The following MUC5AC variants were observed in gnomAD, a reference collection of about 807,000 sequenced individuals.
MUC5AC encodes the protein mucin-5AC.
A neutral mutation model predicts 169.7 loss-of-function variants in MUC5AC; 158 were observed. The ratio of observed to expected loss-of-function variants is 0.93; its 90% CI spans 0.82 to 1.06. The LOEUF (loss-of-function observed/expected upper bound fraction) is 1.06, where lower values mean the gene tolerates loss of function less well. MUC5AC is among the 50% of genes least tolerant of loss of function. MUC5AC has a pLI of 0.00. For missense variants in MUC5AC, 4,359 were observed against 3,089.9 expected (o/e 1.41, Z -9.74); for synonymous variants, 1,975 against 1,237.0 (o/e 1.60, Z -12.52).
intron 6 of MUC5AC, 42 bp downstream of exon 6, chr11:1,163,087 CT>C: frequency 1.3e-6 from 2 of 1,571,266 alleles, no homozygotes; most frequent in South Asian, 2.2e-5. Context: ...TCAGTGTCCC[CT>C]GGGGGCTCAG....
At chr11:1,170,366 C>T (rs1183513083) in intron 15 of MUC5AC, among the ~76,000 whole-genome samples, 1 of 143,942 alleles carries the variant, frequency 6.9e-6, no homozygotes, top group Non-Finnish European at 1.5e-5. Context: ...TCACTCACCT[C>T]ACTCACGCGC....
In MUC5AC at chr11:1,185,623, G is replaced by T; in HGVS notation, c.7478G>T (p.Arg2493Ile). Reference protein sequence around the residue: ...STTSGPETTPRPVPTTSTTSS... With the variant: ...STTSGPETTPIPVPTTSTTSS... Reference sequence around the variant, plus strand: ...ACCTCTGGTCCTGAAACTACTCCTAGACCTGTTCCTACCACCAGCACAACC... The same window carrying T: ...ACCTCTGGTCCTGAAACTACTCCTATACCTGTTCCTACCACCAGCACAACC... Residue 2493 changes from arginine (R) to isoleucine (I), a missense_variant, in exon 31 of 49, where the codon AGA becomes ATA. Coordinates refer to ENST00000621226, the MANE Select transcript of MUC5AC (RefSeq NM_001304359.2). The T allele has an allele frequency of 1.4e-6, 1 of 729,132 alleles. No individual in the cohort carries two copies. The highest frequency in any genetic ancestry group is 2.5e-5 in the East Asian group (1 of 39,608). The allele number at this position is 729,132 out of a possible 1,614,324, so 45.2% of individuals were successfully genotyped here.
chr11:1,168,927 G>A lies in MUC5AC; in HGVS notation c.1771G>A (p.Ala591Thr). The change falls in exon 15 of 49, where the codon GCC becomes ACC. Residue 591 changes from alanine to threonine, a missense_variant. Physicochemically the swap from Ala to Thr is moderately conservative, Grantham distance 58 (BLOSUM62 0). Transcript: ENST00000621226. ...DFRTLSGVVEATAAAFFNTFK... is the reference protein window; with the variant it reads ...DFRTLSGVVETTAAAFFNTFK... ...CCGGACCCTCAGTGGGGTGGTGGAGGCCACCGCTGCGGCCTTCTTCAACAC... is the reference window on the plus strand; with the variant it reads ...CCGGACCCTCAGTGGGGTGGTGGAGACCACCGCTGCGGCCTTCTTCAACAC... 6.2e-7 allele frequency: 1 copy of A among 1,611,354 alleles called. No individual in the cohort carries two copies. Among genetic ancestry groups the A allele is most frequent in the Non-Finnish European group, 8.5e-7 (1 of 1,179,094 alleles).
At position 1,182,582 on chromosome 11, in the gene MUC5AC, A is replaced by C. The variant is rs1318944255; in HGVS notation, c.4437A>C (p.Leu1479=). ...TCAGGGTCCAGTGCTGCACGCCCCT[A>C]CCCTGCTCCACCTCTAGCAGTCCAG... The part of the protein sequence containing the change: ...YQIRVQCCTP[L]PCSTSSSPAQ... The change falls in exon 31 of 49, where the codon CTA becomes CTC. Residue 1479 remains leucine, a synonymous_variant. Transcript: ENST00000621226. 25 of 398,734 alleles carry C rather than the reference A, an allele frequency of 6.3e-5. No individual in the cohort carries two copies. Among genetic ancestry groups the C allele is most frequent in the South Asian group, 1.3e-4 (1 of 7,864 alleles). The allele number at this position is 398,734 out of a possible 1,614,324, so 24.7% of individuals were successfully genotyped here.
chr11:1,180,499 C>A lies in MUC5AC; in HGVS notation c.3759C>A (p.Asp1253Glu). 2.5e-6 allele frequency: 1 copy of A among 398,784 alleles called. No homozygotes were observed. The highest frequency in any genetic ancestry group is 4.4e-6 in the Non-Finnish European group (1 of 226,150). 24.7% of individuals were successfully genotyped at this position (398,784 alleles called of 1,614,324 possible). Residue 1253 changes from aspartate (D) to glutamate (E), a missense_variant, in exon 28 of 49, where the codon GAC becomes GAA. Asp to Glu is a conservative substitution (Grantham distance 45). Coordinates refer to ENST00000621226, the MANE Select transcript of MUC5AC (RefSeq NM_001304359.2). ...SYRPGAVVPS[D>E]KNCQSCLCTE... is the part of the protein sequence containing the mutation. The stretch of plus-strand genomic sequence containing the variant: ...GGCCAGGTGCAGTGGTGCCCTCGGA[C>A]AAGAACTGCCAGTCCTGGTGAGTCC...
At chr11:1,197,052 G>A in intron 40 of MUC5AC, 144 bp downstream of exon 40, 1 of 632,418 alleles carries the variant, frequency 1.6e-6, no homozygotes, top group Non-Finnish European at 2.8e-6. Flanking sequence ...AGAAAGGGCT[G>A]CGGGAGGAGC....
chr11:1,188,482 C>A lies in MUC5AC; in HGVS notation c.10337C>A (p.Thr3446Lys). 1.5e-6 allele frequency: 1 copy of A among 664,066 alleles called. No individual in the cohort carries two copies. The highest frequency in any genetic ancestry group is 2.4e-4 in the Middle Eastern group (1 of 4,188). 41.1% of individuals were successfully genotyped at this position (664,066 alleles called of 1,614,324 possible). Residue 3446 changes from threonine (T) to lysine (K), a missense_variant, in exon 31 of 49, where the codon ACA (threonine) becomes AAA (lysine). Thr to Lys is a moderately conservative substitution (Grantham distance 78). Transcript: ENST00000621226. ...TSTTSSPTTSTTSATTTSTTS... is the reference protein window; with the variant it reads ...TSTTSSPTTSKTSATTTSTTS... ...ACAACCTCTTCCCCTACAACCAGCA[C>A]AACCTCTGCTACTACAACCAGCACA...
intron 10 of MUC5AC, 77 bp from the exon 11 acceptor site, chr11:1,165,545 G>T: frequency 6.3e-7 from 1 of 1,594,798 alleles, no homozygotes. Flanking sequence ...GGTGAGACCC[G>T]GTCAGCCTCC....
In MUC5AC at chr11:1,187,212, G is replaced by A. The variant is rs1415556973; in HGVS notation, c.9067G>A (p.Ala3023Thr). 2 of 699,780 alleles carry A rather than the reference G, an allele frequency of 2.9e-6. No individual in the cohort carries two copies. Among genetic ancestry groups the A allele is most frequent in the African/African-American group, 3.6e-5 (2 of 55,722 alleles). 43.3% of individuals were successfully genotyped at this position (699,780 alleles called of 1,614,324 possible). Residue 3023 changes from alanine to threonine, a missense_variant, in exon 31 of 49, where the codon GCT (alanine) becomes ACT (threonine). By Grantham distance (58) the Ala-to-Thr change is moderately conservative. Transcript: ENST00000621226. ...PSAPTTSTTL[A>T]PTTSTTSAPT... ...TGCCCCTACAACCAGCACAACCTTA[G>A]CTCCTACAACCAGCACAACCTCTGC...
In MUC5AC at chr11:1,199,685, G is replaced by T. The variant is rs76838798; in HGVS notation, c.16516-10G>T. The T allele has an allele frequency of 6.5e-4, 458 of 706,486 alleles. 2 individuals carry two copies. Among genetic ancestry groups the T allele is most frequent in the Non-Finnish European group, 1.1e-3 (417 of 387,394 alleles). 43.8% of individuals were successfully genotyped at this position (706,486 alleles called of 1,614,324 possible). A position where few individuals can be genotyped will look rare whatever the true frequency, so the allele number is the denominator to read the frequency against. On this transcript the variant is annotated splice_polypyrimidine_tract_variant and intron_variant, in intron 46 of 48. Transcript: ENST00000621226. ...GCCTCGGCACTGAGGGCGCCCCTCTGTCGGCACAGGACGAGGCCCGCATGA... is the reference window on the plus strand; with the variant it reads ...GCCTCGGCACTGAGGGCGCCCCTCTTTCGGCACAGGACGAGGCCCGCATGA...
At chr11:1,200,071 G>A in intron 48 of MUC5AC, 102 bp downstream of exon 48, 5 of 622,848 alleles carry the variant, frequency 8.0e-6, no homozygotes, top group South Asian at 7.6e-5. Context: ...AGGACCATGA[G>A]GGGCCAGGCA....
intron 30 of MUC5AC, among the ~76,000 whole-genome samples, 164 bp downstream of exon 30, chr11:1,181,623 G>A (rs898640765): frequency 5.3e-5 from 8 of 152,286 alleles, no homozygotes; most frequent in Non-Finnish European, 1.0e-4. Context: ...GGGATGACCT[G>A]CTGTTTCCCC....
chr11:1,160,737 C>T, intron 2 of MUC5AC, 48 bp downstream of exon 2: 1 of 1,562,182 alleles, frequency 6.4e-7, no homozygotes, highest in South Asian at 1.2e-5. Flanking sequence ...AGATTCCACC[C>T]TCCACCGTGT....
chr11:1,179,256 C>G lies in MUC5AC; in HGVS notation c.3484+8C>G. On this transcript the variant is annotated splice_region_variant and intron_variant, in intron 26 of 48. Coordinates refer to ENST00000621226, the MANE Select transcript of MUC5AC (RefSeq NM_001304359.2). The stretch of plus-strand genomic sequence containing the variant: ...GGACCCCGAGCATCTGCCGTGAGTG[C>G]GAGTGGGCACCTGGGGAAGAACAGG... 1.8e-6 allele frequency: 1 copy of G among 554,082 alleles called. No individual in the cohort carries two copies. The highest frequency in any genetic ancestry group is 3.3e-6 in the Non-Finnish European group (1 of 305,228). 34.3% of individuals were successfully genotyped at this position (554,082 alleles called of 1,614,324 possible).
chr11:1,178,545 C>T lies in MUC5AC; in HGVS notation c.3189C>T (p.Asn1063=). 7.4e-7 allele frequency: 1 copy of T among 1,358,264 alleles called. No homozygotes were observed. Among genetic ancestry groups the T allele is most frequent in the Non-Finnish European group, 9.7e-7 (1 of 1,035,496 alleles). 84.1% of individuals were successfully genotyped at this position (1,358,264 alleles called of 1,614,324 possible). The change falls in exon 25 of 49, where the codon AAC becomes AAT. Residue 1063 remains asparagine, a synonymous_variant. Coordinates refer to ENST00000621226, the MANE Select transcript of MUC5AC (RefSeq NM_001304359.2). The stretch of plus-strand genomic sequence containing the variant: ...TGGGGGACGTGCTGGAGTTTGGGAA[C>T]AGCTGGAAGCTCTCCCCCTCCTGCC... The part of the protein sequence containing the change: ...SVVGDVLEFG[N]SWKLSPSCPD...
At chr11:1,179,957 T>C in intron 26 of MUC5AC, 65 bp from the exon 27 acceptor site, 3 of 398,370 alleles carry the variant, frequency 7.5e-6, no homozygotes, top group Non-Finnish European at 1.3e-5. Context: ...AGAACAGCCC[T>C]GGGGTGCGGG....
At position 1,191,155 on chromosome 11, in the gene MUC5AC, C is replaced by A. The variant is rs1202236120; in HGVS notation, c.13010C>A (p.Thr4337Lys). Reference sequence around the variant, plus strand: ...ACAACCTCTGCTCCTATAACCAGCACAACCTCTGGTCCTGGAAGTACTCCC... The same window carrying A: ...ACAACCTCTGCTCCTATAACCAGCAAAACCTCTGGTCCTGGAAGTACTCCC... ...TSTTSAPITS[T>K]TSGPGSTPSP... Residue 4337 changes from threonine (T) to lysine (K), a missense_variant, in exon 31 of 49, where the codon ACA (threonine) becomes AAA (lysine). Coordinates refer to ENST00000621226, the MANE Select transcript of MUC5AC (RefSeq NM_001304359.2). The A allele has an allele frequency of 1.4e-6, 1 of 725,476 alleles. No individual in the cohort carries two copies. The highest frequency in any genetic ancestry group is 1.7e-5 in the African/African-American group (1 of 58,126). 44.9% of individuals were successfully genotyped at this position (725,476 alleles called of 1,614,324 possible).
At chr11:1,160,531 G>A in intron 1 of MUC5AC, 81 bp from the exon 2 acceptor site, 1 of 1,246,766 alleles carries the variant, frequency 8.0e-7, no homozygotes, top group South Asian at 1.3e-5. Context: ...TCCCTCTGGT[G>A]TCCATGCTGC....
Position 1,197,560 on chromosome 11 carries a change from C to A in MUC5AC, c.15954C>A (p.Pro5318=). ...GCCGACCCAAGCTCTGCCCGCTGCC[C>A]CCTGCCTGCCCCCTGCCCGGCTTCG... The part of the protein sequence containing the change: ...LTCRPKLCPL[P]PACPLPGFVP... The change falls in exon 41 of 49, where the codon CCC becomes CCA. Residue 5318 remains proline (P), a synonymous_variant. Transcript: ENST00000621226. The A allele has an allele frequency of 1.4e-6, 1 of 716,076 alleles. No individual in the cohort carries two copies. The highest frequency in any genetic ancestry group is 2.5e-6 in the Non-Finnish European group (1 of 393,876). The allele number at this position is 716,076 out of a possible 1,614,324, so 44.4% of individuals were successfully genotyped here. A position where few individuals can be genotyped will look rare whatever the true frequency, so the allele number is the denominator to read the frequency against.
Sources: gnomAD v4.1 joint callset for allele counts (sites outside exome capture counted in the v4.1 genomes callset) on GRCh38, gnomAD v4.1.1 for gene constraint, MANE v1.5 for transcripts, NCBI Gene and HGNC (gene_info 2026-07-23, HGNC 2026-07-21) for gene names.